The following LRP1B variants were observed in gnomAD, a reference collection of about 807,000 sequenced individuals.
The protein encoded by LRP1B is LDL receptor related protein 1B.
Under a neutral mutation model 556.6 loss-of-function variants are expected in LRP1B, and 217 were observed. The ratio of observed to expected loss-of-function variants is 0.39; its 90% CI spans 0.35 to 0.44. The LOEUF is 0.44. LRP1B is among the 20% of genes least tolerant of loss of function. The pLI is 1.00. For missense variants in LRP1B, 5,053 were observed against 5,620.8 expected (o/e 0.90, Z 3.23); for synonymous variants, 2,047 against 1,865.8 (o/e 1.10, Z -2.50).
At chr2:141,819,803 C>T (rs1228262439) in intron 1 of LRP1B, among the ~76,000 whole-genome samples, 1 of 152,126 alleles carries the variant, frequency 6.6e-6, no homozygotes, top group African/African-American at 2.4e-5. Flanking sequence ...GCTAATTACC[C>T]TGATCTCATC....
At chr2:141,890,362 T>TATATATATATATATATGTATGTATTGTGC (rs1558942806) in intron 1 of LRP1B, among the ~76,000 whole-genome samples, 9 of 105,208 alleles carry the variant, frequency 8.6e-5, no homozygotes, top group African/African-American at 3.4e-4. Context: ...GTATTGTGCA[T>TATATATATATATATATGTATGTATTGTGC]ATATATATAT....
intron 1 of LRP1B, among the ~76,000 whole-genome samples, chr2:141,846,088 T>G (rs535176435): frequency 6.6e-6 from 1 of 151,404 alleles, no homozygotes; most frequent in African/African-American, 2.4e-5. Flanking sequence ...TAAAAGTTAA[T>G]GATGTAAAGA....
At chr2:141,119,977 GA>G (rs1170942811) in intron 7 of LRP1B, among the ~76,000 whole-genome samples, 6 of 151,572 alleles carry the variant, frequency 4.0e-5, no homozygotes, top group African/African-American at 1.5e-4. Context: ...GGATTTAGAG[GA>G]AAAAAAGTTT....
chr2:140,484,617 C>T lies in LRP1B; in HGVS notation c.9425+726G>A, dbSNP rs377239708. ...CATGTAATCACTCTAAATTACAGTGCAAAAAGTTAAAAAGTTATGTACACT... is the reference window on the plus strand; with the variant it reads ...CATGTAATCACTCTAAATTACAGTGTAAAAAGTTAAAAAGTTATGTACACT... On this transcript the variant is annotated intron_variant, in intron 59 of 90. Coordinates refer to ENST00000389484, the MANE Select transcript of LRP1B (RefSeq NM_018557.3). Among the ~76,000 whole-genome samples, 5 of 152,040 alleles carry T rather than the reference C, an allele frequency of 3.3e-5. No homozygotes were observed. In the East Asian group the frequency reaches 9.6e-4, roughly 29 times the overall value.
At chr2:141,693,154 C>T (rs1691608472) in intron 2 of LRP1B, among the ~76,000 whole-genome samples, 1 of 152,042 alleles carries the variant, frequency 6.6e-6, no homozygotes, top group African/African-American at 2.4e-5. Context: ...AAATTGTAAG[C>T]TTCTTGAAAG....
intron 3 of LRP1B, among the ~76,000 whole-genome samples, chr2:141,475,078 T>C (rs992644297): frequency 1.8e-4 from 27 of 152,074 alleles, no homozygotes; most frequent in African/African-American, 5.8e-4. Context: ...CATTTAAATA[T>C]ATTAGCACTT....
At chr2:140,362,187 A>G (rs1319605050) in intron 72 of LRP1B, among the ~76,000 whole-genome samples, 1 of 151,560 alleles carries the variant, frequency 6.6e-6, no homozygotes, top group African/African-American at 2.4e-5. Flanking sequence ...AATCCTTTCT[A>G]TCCCATATTT....
intron 40 of LRP1B, among the ~76,000 whole-genome samples, chr2:140,701,341 T>C (rs531114245): frequency 1.9e-4 from 29 of 152,198 alleles, no homozygotes; most frequent in African/African-American, 5.5e-4. Flanking sequence ...CATAACCACT[T>C]ATTATATAAT....
chr2:141,921,281 T>C (rs1700178192), intron 1 of LRP1B, among the ~76,000 whole-genome samples: 1 of 152,016 alleles, frequency 6.6e-6, no homozygotes, highest in African/African-American at 2.4e-5. Context: ...AAAAATTTAG[T>C]GAGAATCTAT....
intron 7 of LRP1B, among the ~76,000 whole-genome samples, chr2:141,176,720 GAA>G (rs78053380): frequency 2.1e-5 from 3 of 143,754 alleles, no homozygotes; most frequent in African/African-American, 7.6e-5. Flanking sequence ...TATCTCAAGA[GAA>G]AAAAAAAATG....
At chr2:141,852,911 A>G (rs1216548210) in intron 1 of LRP1B, among the ~76,000 whole-genome samples, 2 of 151,714 alleles carry the variant, frequency 1.3e-5, no homozygotes, top group African/African-American at 2.4e-5. Context: ...AAGAAATGAA[A>G]AAAACTTTGG....
At chr2:141,432,314 T>A (rs1169436114) in intron 3 of LRP1B, among the ~76,000 whole-genome samples, 1 of 152,112 alleles carries the variant, frequency 6.6e-6, no homozygotes, top group Non-Finnish European at 1.5e-5. Context: ...ATATAATCTA[T>A]GTTATATGTC....
intron 35 of LRP1B, among the ~76,000 whole-genome samples, chr2:140,736,071 A>G (rs1394768230): frequency 6.6e-6 from 1 of 152,132 alleles, no homozygotes; most frequent in Non-Finnish European, 1.5e-5. Context: ...ACACATGGAG[A>G]AACTATGCCT....
intron 2 of LRP1B, chr2:141,805,441 T>C: frequency 6.6e-6 from 1 of 151,898 alleles, no homozygotes. Flanking sequence ...TATGAAAAAA[T>C]AGAAGGAAAC....
intron 41 of LRP1B, among the ~76,000 whole-genome samples, chr2:140,621,213 C>T (rs1683438420): frequency 1.3e-5 from 2 of 150,886 alleles, no homozygotes; most frequent in South Asian, 4.2e-4. Flanking sequence ...AACCCCATCT[C>T]TACTAAAAAT....
At chr2:141,433,591 T>A (rs1432837759) in intron 3 of LRP1B, among the ~76,000 whole-genome samples, 1 of 152,170 alleles carries the variant, frequency 6.6e-6, no homozygotes, top group African/African-American at 2.4e-5. Context: ...ACTTTGAACA[T>A]GTCATTTCAC....
At chr2:142,035,159 A>C (rs1039597893) in intron 1 of LRP1B, among the ~76,000 whole-genome samples, 1 of 151,718 alleles carries the variant, frequency 6.6e-6, no homozygotes, top group Non-Finnish European at 1.5e-5. Context: ...TTTCCAAAGA[A>C]AAAAGTCCCA....
At chr2:141,559,765 T>C (rs1466701865) in intron 2 of LRP1B, among the ~76,000 whole-genome samples, 1 of 151,706 alleles carries the variant, frequency 6.6e-6, no homozygotes, top group Non-Finnish European at 1.5e-5. Context: ...TGGCCTAAAC[T>C]GCATTCTAGA....
intron 1 of LRP1B, among the ~76,000 whole-genome samples, chr2:141,827,246 CT>C (rs375648119): frequency 4.9e-4 from 74 of 152,304 alleles, no homozygotes; most frequent in African/African-American, 1.7e-3. Flanking sequence ...CTCCTAAATG[CT>C]CTTTTAATGT....
Sources: allele counts gnomAD v4.1 joint callset (sites outside exome capture counted in the v4.1 genomes callset), GRCh38; gene constraint gnomAD v4.1.1; transcripts MANE v1.5; gene names NCBI Gene and HGNC (gene_info 2026-07-23, HGNC 2026-07-21).